Variants in PLCXD3 observed in about 807,000 individuals in gnomAD.
PLCXD3 encodes PI-PLC X domain-containing protein 3.
Under a neutral mutation model 25.5 loss-of-function variants are expected in PLCXD3, and 19 were observed. The observed-to-expected ratio is 0.75, with a 90% CI of 0.52 to 1.09. The LOEUF (loss-of-function observed/expected upper bound fraction) is 1.09, where lower values mean the gene tolerates loss of function less well. Among genes scored for constraint, PLCXD3 ranks in the 50% least tolerant of loss-of-function variants. The pLI is 0.00. For missense variants in PLCXD3, 411 were observed against 388.1 expected (o/e 1.06, Z -0.50); for synonymous variants, 174 against 137.6 (o/e 1.26, Z -1.85).
intron 1 of PLCXD3, among the ~76,000 whole-genome samples, chr5:41,493,065 T>C (rs1748741225): frequency 6.6e-6 from 1 of 152,222 alleles, no homozygotes; most frequent in Non-Finnish European, 1.5e-5. Context: ...TGTGGTTTTA[T>C]CTACTTTTGG....
intron 1 of PLCXD3, among the ~76,000 whole-genome samples, chr5:41,499,729 A>G (rs1333781864): frequency 2.6e-5 from 4 of 151,888 alleles, no homozygotes; most frequent in African/African-American, 9.7e-5. Flanking sequence ...ACACCTTCTG[A>G]TATGAAAACA....
At chr5:41,471,377 G>T (rs1252245644) in intron 1 of PLCXD3, among the ~76,000 whole-genome samples, 1 of 152,198 alleles carries the variant, frequency 6.6e-6, no homozygotes, top group Non-Finnish European at 1.5e-5. Flanking sequence ...ACAACTGTGA[G>T]ACATTGCACT....
At chr5:41,490,169 CT>C (rs1274805363) in intron 1 of PLCXD3, among the ~76,000 whole-genome samples, 1 of 152,106 alleles carries the variant, frequency 6.6e-6, no homozygotes, top group South Asian at 2.1e-4. Context: ...TGTCAAAGGC[CT>C]TTTCTGCATC....
intron 1 of PLCXD3, among the ~76,000 whole-genome samples, chr5:41,385,599 C>T (rs1038670478): frequency 2.0e-5 from 3 of 152,116 alleles, no homozygotes; most frequent in African/African-American, 7.2e-5. Flanking sequence ...TAAGATGGCA[C>T]CTAACAATCC....
chr5:41,376,852 T>G (rs1294494135), intron 2 of PLCXD3, among the ~76,000 whole-genome samples: 1 of 152,110 alleles, frequency 6.6e-6, no homozygotes, highest in Non-Finnish European at 1.5e-5. Flanking sequence ...AGAGCCGTAC[T>G]CATAGGAGCT....
At chr5:41,502,970 C>A (rs1748982642) in intron 1 of PLCXD3, among the ~76,000 whole-genome samples, 1 of 152,134 alleles carries the variant, frequency 6.6e-6, no homozygotes, top group Admixed American at 6.5e-5. Context: ...GCTTTACATC[C>A]CCTGACAACC....
intron 1 of PLCXD3, among the ~76,000 whole-genome samples, chr5:41,490,603 A>G (rs1748640946): frequency 6.6e-6 from 1 of 152,208 alleles, no homozygotes; most frequent in African/African-American, 2.4e-5. Context: ...TTATTGCCAC[A>G]ATTTCAGATC....
At chr5:41,367,395 G>A (rs1034003286) in intron 2 of PLCXD3, among the ~76,000 whole-genome samples, 2 of 152,112 alleles carry the variant, frequency 1.3e-5, no homozygotes, top group African/African-American at 4.8e-5. Flanking sequence ...GATCAGTGAT[G>A]TTGAGCTTTT....
chr5:41,466,216 T>A (rs1452859824), intron 1 of PLCXD3, among the ~76,000 whole-genome samples: 1 of 152,064 alleles, frequency 6.6e-6, no homozygotes, highest in Non-Finnish European at 1.5e-5. Context: ...TTTTAAAGAT[T>A]TAATTAAAAC....
At chr5:41,347,030 A>G (rs1744319770) in intron 2 of PLCXD3, among the ~76,000 whole-genome samples, 1 of 152,198 alleles carries the variant, frequency 6.6e-6, no homozygotes, top group Non-Finnish European at 1.5e-5. Context: ...TAAGGTTGCT[A>G]TTACTGGATC....
chr5:41,475,378 C>A (rs1748257784), intron 1 of PLCXD3, among the ~76,000 whole-genome samples: 1 of 152,146 alleles, frequency 6.6e-6, no homozygotes, highest in East Asian at 1.9e-4. Context: ...TCTGTCCCTG[C>A]AAGTTTCTGC....
chr5:41,444,880 T>A (rs912706897), intron 1 of PLCXD3, among the ~76,000 whole-genome samples: 1 of 152,212 alleles, frequency 6.6e-6, no homozygotes, highest in Non-Finnish European at 1.5e-5. Context: ...TTAGTATGAG[T>A]GTTCATGTTG....
At chr5:41,494,088 C>T (rs539337650) in intron 1 of PLCXD3, among the ~76,000 whole-genome samples, 19 of 152,252 alleles carry the variant, frequency 1.2e-4, no homozygotes, top group African/African-American at 3.1e-4. Flanking sequence ...GGCTCCCTCC[C>T]GGGTTTTATT....
chr5:41,382,085 A>G lies in PLCXD3; in HGVS notation c.553T>C (p.Trp185Arg). ...FAQEVSLKYL[W>R]EKDYQVLVFY... is the part of the protein sequence containing the mutation. ...ACCAGCACTTGATAGTCCTTCTCCC[A>G]CAGGTACTTTAAACTAACTTCCTGG... Residue 185 changes from tryptophan to arginine, a missense_variant, in exon 2 of 3, where the codon TGG becomes CGG. Coordinates refer to ENST00000377801, the MANE Select transcript of PLCXD3 (RefSeq NM_001005473.3). The G allele has an allele frequency of 1.2e-6, 2 of 1,613,698 alleles. No homozygotes were observed. The highest frequency in any genetic ancestry group is 8.5e-7 in the Non-Finnish European group (1 of 1,179,764).
At chr5:41,354,539 C>T (rs1425679412) in intron 2 of PLCXD3, among the ~76,000 whole-genome samples, 3 of 151,928 alleles carry the variant, frequency 2.0e-5, no homozygotes, top group African/African-American at 7.3e-5. Context: ...TTTTTCAATT[C>T]CTATGACCAC....
At chr5:41,404,800 A>T (rs977610362) in intron 1 of PLCXD3, among the ~76,000 whole-genome samples, 6 of 152,172 alleles carry the variant, frequency 3.9e-5, no homozygotes, top group East Asian at 1.9e-4. Context: ...ATAAACATCA[A>T]AGAAAATGTA....
intron 1 of PLCXD3, among the ~76,000 whole-genome samples, chr5:41,400,255 C>T (rs545684337): frequency 6.6e-6 from 1 of 152,164 alleles, no homozygotes; most frequent in South Asian, 2.1e-4. Flanking sequence ...TAAATTAGTG[C>T]AACCACTATG....
intron 1 of PLCXD3, among the ~76,000 whole-genome samples, chr5:41,383,946 C>T (rs1745561767): frequency 1.3e-5 from 2 of 151,958 alleles, no homozygotes; most frequent in South Asian, 4.1e-4. Context: ...ATGTATCTCT[C>T]TATCCAGCTT....
At chr5:41,316,006 C>A (rs763611998) in intron 2 of PLCXD3, among the ~76,000 whole-genome samples, 2 of 152,188 alleles carry the variant, frequency 1.3e-5, no homozygotes, top group Non-Finnish European at 2.9e-5. Flanking sequence ...TAGGCAACTC[C>A]ATACTGAGAC....
Sources: gnomAD v4.1 joint callset for allele counts (sites outside exome capture counted in the v4.1 genomes callset) on GRCh38, gnomAD v4.1.1 for gene constraint, MANE v1.5 for transcripts, NCBI Gene and HGNC (gene_info 2026-07-23, HGNC 2026-07-21) for gene names.